Variants in ABAT observed in about 807,000 individuals in gnomAD.
ABAT encodes the protein 4-aminobutyrate aminotransferase, also known as 4-aminobutyrate aminotransferase, mitochondrial.
In ABAT, 45 loss-of-function variants were observed where a neutral mutation model predicts 64.6. That is an observed-to-expected ratio of 0.70 (90% CI 0.55 to 0.89). ABAT has a LOEUF of 0.89. Ranked by LOEUF, ABAT falls within the 40% of genes least tolerant of loss-of-function variation. The pLI is 0.00. For synonymous variants in ABAT, 297 were observed against 250.5 expected (o/e 1.19, Z -1.75); for missense variants, 633 against 658.4 (o/e 0.96, Z 0.42).
rs2060434628 is a variant in ABAT at position 8,781,376 on chromosome 16, C to T, written c.1449C>T (p.His483=). 3.7e-6 allele frequency: 6 copies of T among 1,614,100 alleles called. No individual in the cohort carries two copies. The highest frequency in any genetic ancestry group is 5.1e-6 in the Non-Finnish European group (6 of 1,179,994). ...GTCCCACGCTGGTCTTCAGGGATCA[C>T]CACGCTCACCTGTTCCTCAATATTT... ...RFRPTLVFRD[H]HAHLFLNIFS... The change falls in exon 16 of 16, where the codon CAC becomes CAT. Residue 483 remains histidine (H), a synonymous_variant. Coordinates refer to ENST00000268251, the MANE Select transcript of ABAT (RefSeq NM_020686.6). This position sits in a 1 kb window ranked among gnomAD's most constrained non-coding sequence, Gnocchi z 4.5.
chr16:8,736,172 A>C (rs976952369), intron 2 of ABAT: 3 of 288,732 alleles, frequency 1.0e-5, no homozygotes, highest in Non-Finnish European at 2.0e-5. Context: ...TCAATTGACT[A>C]TCATGAGAAC....
intron 6 of ABAT, among the ~76,000 whole-genome samples, chr16:8,761,619 C>T (rs919522918): frequency 2.0e-5 from 3 of 152,210 alleles, no homozygotes; most frequent in Admixed American, 1.3e-4. Flanking sequence ...GAAAAGAGCA[C>T]CCTGACGCAG....
At chr16:8,725,970 T>C (rs886273380) in intron 1 of ABAT, among the ~76,000 whole-genome samples, 3 of 152,084 alleles carry the variant, frequency 2.0e-5, no homozygotes, top group Non-Finnish European at 4.4e-5. Flanking sequence ...CTCATTGACA[T>C]GCTGAGTGCA....
intron 2 of ABAT, among the ~76,000 whole-genome samples, chr16:8,737,953 G>GAAGA (rs751998726): frequency 0.17 from 1,262 of 7,396 alleles, 123 homozygotes; most frequent in Non-Finnish European, 0.23. Context: ...AGGAAGAAAG[G>GAAGA]AAGGAAGGAA....
At chr16:8,738,892 A>G (rs760238109) in intron 2 of ABAT, among the ~76,000 whole-genome samples, 24 of 152,210 alleles carry the variant, frequency 1.6e-4, no homozygotes, top group Non-Finnish European at 2.4e-4. Context: ...TGATCCACCC[A>G]TCTTGGCCTC....
chr16:8,735,759 C>T lies in ABAT; in HGVS notation c.20C>T (p.Ala7Val), dbSNP rs773255451. The T allele has an allele frequency of 6.2e-7, 1 of 1,606,954 alleles. No homozygotes were observed. Among genetic ancestry groups the T allele is most frequent in the Non-Finnish European group, 8.5e-7 (1 of 1,176,924 alleles). Residue 7 changes from alanine to valine, a missense_variant, in exon 2 of 16, where the codon GCC becomes GTC. By Grantham distance (64) the Ala-to-Val change is moderately conservative. Coordinates refer to ENST00000268251, the MANE Select transcript of ABAT (RefSeq NM_020686.6). MASMLL[A>V]QRLACSFQHS... is the part of the protein sequence containing the mutation. ...GGGGTCATGGCCTCCATGTTGCTCGCCCAGCGCCTGGCCTGCAGCTTCCAG... is the reference window on the plus strand; with the variant it reads ...GGGGTCATGGCCTCCATGTTGCTCGTCCAGCGCCTGGCCTGCAGCTTCCAG...
In ABAT at chr16:8,764,964, G is replaced by T. The variant is rs1309425691; in HGVS notation, c.540+134G>T. The T allele has an allele frequency of 1.2e-6, 1 of 841,944 alleles. No individual in the cohort carries two copies. The highest frequency in any genetic ancestry group is 1.4e-5 in the South Asian group (1 of 70,188). 52.2% of individuals were successfully genotyped at this position (841,944 alleles called of 1,614,324 possible). A position where few individuals can be genotyped will look rare whatever the true frequency, so the allele number is the denominator to read the frequency against. On this transcript the variant is annotated intron_variant, in intron 8 of 15. Coordinates refer to ENST00000268251, the MANE Select transcript of ABAT (RefSeq NM_020686.6). This position sits in a 1 kb window ranked among gnomAD's most constrained non-coding sequence, Gnocchi z 4.2. ...CAGTACCAGGGTTAAAATACAGGGA[G>T]GGCCACTGCTGGATGGTACTTTGAG...
chr16:8,735,555 AAG>A, intron 1 of ABAT, 142 bp from the exon 2 acceptor site: 1 of 739,834 alleles, frequency 1.4e-6, no homozygotes, highest in Non-Finnish European at 2.3e-6. Context: ...CTAATATATA[AAG>A]TCCATGTTCA....
intron 1 of ABAT, among the ~76,000 whole-genome samples, chr16:8,729,235 C>G (rs1166317390): frequency 6.6e-6 from 1 of 151,970 alleles, no homozygotes; most frequent in Non-Finnish European, 1.5e-5. Flanking sequence ...CTGGGGGAGG[C>G]AGAGGTTGCA....
At chr16:8,772,953 G>C (rs753569378) in intron 12 of ABAT, 36 bp downstream of exon 12, 1 of 1,611,920 alleles carries the variant, frequency 6.2e-7, no homozygotes, top group South Asian at 1.1e-5. Context: ...TGGAGCCATT[G>C]GGTTTTCTGG....
chr16:8,682,226 CAGAG>C (rs1219279210), intron 1 of ABAT, among the ~76,000 whole-genome samples: 1 of 103,782 alleles, frequency 9.6e-6, no homozygotes, highest in East Asian at 2.5e-4. Flanking sequence ...CACACACACA[CAGAG>C]GAGGCATTCA....
chr16:8,703,931 G>C (rs1252208344), intron 1 of ABAT, among the ~76,000 whole-genome samples: 1 of 152,204 alleles, frequency 6.6e-6, no homozygotes, highest in African/African-American at 2.4e-5. Context: ...ATTTAAAAAA[G>C]CAGGCCAGTG....
At chr16:8,716,437 G>T (rs1464690712) in intron 1 of ABAT, among the ~76,000 whole-genome samples, 2 of 152,148 alleles carry the variant, frequency 1.3e-5, no homozygotes, top group African/African-American at 2.4e-5. Flanking sequence ...AATTGTATTT[G>T]TTGCTGCAGT....
intron 1 of ABAT, among the ~76,000 whole-genome samples, chr16:8,709,965 A>T (rs1000330663): frequency 6.6e-6 from 1 of 151,832 alleles, no homozygotes; most frequent in Non-Finnish European, 1.5e-5. Flanking sequence ...TGCCACTCAT[A>T]GCTGATTTTT....
chr16:8,722,722 C>A, intron 1 of ABAT: 1 of 936,094 alleles, frequency 1.1e-6, no homozygotes, highest in Non-Finnish European at 1.5e-6. Flanking sequence ...GCTCTGAAAG[C>A]ACCTCCCTTC....
Position 8,782,412 on chromosome 16 carries a change from C to T in ABAT, c.*982C>T, listed in dbSNP as rs1268946573. On this transcript the variant is annotated 3_prime_UTR_variant, in exon 16 of 16. Coordinates refer to ENST00000268251, the MANE Select transcript of ABAT (RefSeq NM_020686.6). ...CCTCTCTTTTGCTCATCCACCTTCA[C>T]ACCACTTGTGAGCTGACCCCCAGGA... 6.6e-6 allele frequency: 1 copy of T among 152,308 alleles called. No individual in the cohort carries two copies. Among genetic ancestry groups the T allele is most frequent in the African/African-American group, 2.4e-5 (1 of 41,470 alleles). The allele number at this position is 152,308 out of a possible 1,614,324, so 9.4% of individuals were successfully genotyped here.
At chr16:8,736,124 C>G (rs1186402113) in intron 2 of ABAT, 1 of 373,828 alleles carries the variant, frequency 2.7e-6, no homozygotes, top group Non-Finnish European at 5.1e-6. Context: ...TGCAGGGGAA[C>G]TCCCGTTTGT....
chr16:8,751,103 C>T (rs1369244874), intron 5 of ABAT, among the ~76,000 whole-genome samples: 1 of 151,994 alleles, frequency 6.6e-6, no homozygotes, highest in African/African-American at 2.4e-5. Flanking sequence ...CACACGCCAC[C>T]ATGCCTATCT....
intron 1 of ABAT, among the ~76,000 whole-genome samples, chr16:8,718,553 C>T (rs1392010064): frequency 6.6e-6 from 1 of 152,136 alleles, no homozygotes; most frequent in Non-Finnish European, 1.5e-5. Flanking sequence ...TGAGCACCTA[C>T]AATAGCCAGA....
Sources: allele counts gnomAD v4.1 joint callset (sites outside exome capture counted in the v4.1 genomes callset), GRCh38; gene constraint gnomAD v4.1.1; non-coding constraint Gnocchi (gnomAD v3.1); transcripts MANE v1.5; gene names NCBI Gene and HGNC (gene_info 2026-07-23, HGNC 2026-07-21).